CHIC1: variants seen among roughly 807,000 people sequenced by gnomAD.
CHIC1 encodes cysteine rich hydrophobic domain 1.
Under a neutral mutation model 18.5 loss-of-function variants are expected in CHIC1, and 7 were observed. The ratio of observed to expected loss-of-function variants is 0.38; its 90% CI spans 0.22 to 0.71. CHIC1 has a LOEUF of 0.71. CHIC1 is among the 30% of genes least tolerant of loss of function. The pLI is 0.49. For missense variants in CHIC1, 159 were observed against 176.9 expected (o/e 0.90, Z 0.57); for synonymous variants, 77 against 73.5 (o/e 1.05, Z -0.25).
chrX:73,671,864 C>T (rs943536581), intron 3 of CHIC1, among the ~76,000 whole-genome samples: 19 of 109,748 alleles, frequency 1.7e-4, no homozygotes, highest in African/African-American at 6.3e-4. Flanking sequence ...TGGTGTGCTG[C>T]ACCCATTAAC....
In CHIC1 at chrX:73,664,418, T is replaced by G. The variant is rs185310529; in HGVS notation, c.508-14908T>G. Among the ~76,000 whole-genome samples, 28 of 110,894 alleles carry G rather than the reference T, an allele frequency of 2.5e-4. No individual in the cohort carries two copies. In the East Asian group the frequency reaches 7.5e-3, roughly 30 times the overall value. The stretch of plus-strand genomic sequence containing the variant: ...TGCCATAGCCAATATTTTGGCTTTG[T>G]GTGTTTTAGTCCCCACCAGTTGACA... On this transcript the variant is annotated intron_variant, in intron 3 of 5. Transcript: ENST00000373502.
intron 1 of CHIC1, among the ~76,000 whole-genome samples, chrX:73,565,927 A>G (rs1480578158): frequency 8.1e-5 from 9 of 110,633 alleles, no homozygotes; most frequent in African/African-American, 2.6e-4. Context: ...TTTCTTCTCA[A>G]AGTTTAAAAT....
At chrX:73,627,976 T>C (rs1025646992) in intron 3 of CHIC1, among the ~76,000 whole-genome samples, 1 of 111,643 alleles carries the variant, frequency 9.0e-6, no homozygotes, top group African/African-American at 3.3e-5. Flanking sequence ...CTGCTGGTTA[T>C]TTCGAGTTCA....
At chrX:73,594,317 C>T (rs889195120) in intron 3 of CHIC1, among the ~76,000 whole-genome samples, 2 of 110,518 alleles carry the variant, frequency 1.8e-5, no homozygotes, top group African/African-American at 6.6e-5. Flanking sequence ...ATTACAGGCA[C>T]CTGCTATCAT....
At position 73,663,622 on chromosome X, in the gene CHIC1, C is replaced by T. The variant is rs772342927; in HGVS notation, c.508-15704C>T. On this transcript the variant is annotated intron_variant, in intron 3 of 5. Coordinates refer to ENST00000373502, the MANE Select transcript of CHIC1 (RefSeq NM_001039840.4). ...CCAAGTTTCTGTCCAGTTTTGATGA[C>T]TAATTATCGAAATGTCCGCCCCTGT... Among the ~76,000 whole-genome samples, 62 of 110,820 alleles carry T rather than the reference C, an allele frequency of 5.6e-4. No individual in the cohort carries two copies. In the South Asian group the frequency reaches 0.022, roughly 39 times the overall value.
Position 73,604,744 on chromosome X carries a change from G to A in CHIC1, c.507+20172G>A, listed in dbSNP as rs746211790. On this transcript the variant is annotated intron_variant, in intron 3 of 5. Transcript: ENST00000373502. The stretch of plus-strand genomic sequence containing the variant: ...GGTTTCAAAGAACTTATGTATTTCT[G>A]CTTTAATTTAGTTATTTACCTAGTA... Among the ~76,000 whole-genome samples, 5 of 108,945 alleles carry A rather than the reference G, an allele frequency of 4.6e-5. No individual in the cohort carries two copies. In the South Asian group the frequency reaches 1.5e-3, roughly 33 times the overall value. The allele number at this position is 108,945 out of a possible 115,157, so 94.6% of individuals were successfully genotyped here.
chrX:73,589,561 T>C (rs2057571077), intron 3 of CHIC1, among the ~76,000 whole-genome samples: 1 of 111,283 alleles, frequency 9.0e-6, no homozygotes. Context: ...TCACAAATTA[T>C]ATGTTATATA....
intron 3 of CHIC1, among the ~76,000 whole-genome samples, chrX:73,653,208 C>T (rs1382725386): frequency 9.1e-6 from 1 of 109,703 alleles, no homozygotes; most frequent in African/African-American, 3.3e-5. Flanking sequence ...GAACAACACA[C>T]TCTGGGGTCT....
chrX:73,569,567 A>G lies in CHIC1; in HGVS notation c.296+5987A>G, dbSNP rs1161726598. Among the ~76,000 whole-genome samples the G allele has an allele frequency of 3.6e-5, 4 of 111,572 alleles. No individual in the cohort carries two copies. The South Asian group carries it at 1.1e-3, about 31-fold the overall frequency. On this transcript the variant is annotated intron_variant, in intron 1 of 5. Transcript: ENST00000373502. Reference sequence around the variant, plus strand: ...GAGCCCCACATCTTGGCTAATTTCTACCACTGATCAGTAATAAGTAGATGA... The same window carrying G: ...GAGCCCCACATCTTGGCTAATTTCTGCCACTGATCAGTAATAAGTAGATGA...
At chrX:73,647,013 A>G (rs1024986240) in intron 3 of CHIC1, among the ~76,000 whole-genome samples, 3 of 112,067 alleles carry the variant, frequency 2.7e-5, no homozygotes, top group Middle Eastern at 4.6e-3. Flanking sequence ...ATTCTTCTGC[A>G]TATGGATATC....
chrX:73,668,120 G>A (rs2058013067), intron 3 of CHIC1, among the ~76,000 whole-genome samples: 2 of 111,782 alleles, frequency 1.8e-5, no homozygotes, highest in Non-Finnish European at 3.8e-5. Context: ...TAGTCTTCCA[G>A]CTGTGACATT....
intron 3 of CHIC1, among the ~76,000 whole-genome samples, chrX:73,597,527 G>A (rs976510910): frequency 9.4e-6 from 1 of 106,765 alleles, no homozygotes; most frequent in African/African-American, 3.4e-5. Context: ...CCTGGGCTTA[G>A]GCATTATATC....
chrX:73,590,946 T>C (rs2057578698), intron 3 of CHIC1, among the ~76,000 whole-genome samples: 1 of 111,519 alleles, frequency 9.0e-6, no homozygotes, highest in African/African-American at 3.2e-5. Context: ...TGGACAGTTT[T>C]GAACTCATTT....
chrX:73,627,558 C>T (rs951350354), intron 3 of CHIC1, among the ~76,000 whole-genome samples: 4 of 112,317 alleles, frequency 3.6e-5, no homozygotes, highest in Non-Finnish European at 7.5e-5. Flanking sequence ...TTTCCAAAGG[C>T]AGAGGAGCTT....
intron 3 of CHIC1, among the ~76,000 whole-genome samples, chrX:73,662,463 A>C (rs778322503): frequency 2.0e-5 from 2 of 101,086 alleles, no homozygotes; most frequent in African/African-American, 7.3e-5. Context: ...TATGCGATCT[A>C]GTTGCCTCTG....
intron 3 of CHIC1, among the ~76,000 whole-genome samples, chrX:73,669,631 TAAAG>T (rs971578947): frequency 1.1e-4 from 12 of 111,266 alleles, no homozygotes; most frequent in Non-Finnish European, 1.3e-4. Context: ...TGGTCCCACT[TAAAG>T]AAGCAGTCTG....
intron 3 of CHIC1, among the ~76,000 whole-genome samples, chrX:73,624,005 G>A: frequency 9.1e-6 from 1 of 110,436 alleles, no homozygotes; most frequent in Non-Finnish European, 1.9e-5. Flanking sequence ...GGCCTAATAA[G>A]CAGGCACAGC....
chrX:73,677,268 G>A (rs903038555), intron 3 of CHIC1, among the ~76,000 whole-genome samples: 2 of 112,199 alleles, frequency 1.8e-5, no homozygotes, highest in Non-Finnish European at 1.9e-5. Flanking sequence ...CTGTCAGAGA[G>A]GGACATTTAA....
intron 3 of CHIC1, among the ~76,000 whole-genome samples, chrX:73,672,413 C>T (rs2058036312): frequency 9.0e-6 from 1 of 111,678 alleles, no homozygotes; most frequent in Admixed American, 9.5e-5. Context: ...TATTTCTCCA[C>T]ATCCTCTCCA....
Sources: allele counts gnomAD v4.1 joint callset (sites outside exome capture counted in the v4.1 genomes callset), GRCh38; gene constraint gnomAD v4.1.1; transcripts MANE v1.5; gene names NCBI Gene and HGNC (gene_info 2026-07-23, HGNC 2026-07-21).